TMEM232: variants seen among roughly 807,000 people sequenced by gnomAD.
The protein encoded by TMEM232 is transmembrane protein 232.
TMEM232 carries 80 observed loss-of-function variants against 78.8 expected under a neutral mutation model. That is an observed-to-expected ratio of 1.01 (90% confidence interval 0.85 to 1.22). The LOEUF is 1.22. Among genes scored for constraint, TMEM232 ranks in the 50% most tolerant of loss-of-function variants. TMEM232 has a pLI of 0.00. For synonymous variants in TMEM232, 297 were observed against 254.3 expected (o/e 1.17, Z -1.60); for missense variants, 881 against 742.2 (o/e 1.19, Z -2.17).
At chr5:110,723,561 G>A (rs1797866627) in intron 1 of TMEM232, among the ~76,000 whole-genome samples, 1 of 152,040 alleles carries the variant, frequency 6.6e-6, no homozygotes, top group Admixed American at 6.6e-5. Context: ...AATCTGTATA[G>A]ACTGTTAGCT....
At chr5:110,667,435 T>A in intron 1 of TMEM232, 71 bp from the exon 2 acceptor site, 1 of 1,248,896 alleles carries the variant, frequency 8.0e-7, no homozygotes, top group Non-Finnish European at 1.1e-6. Context: ...TTATGCAAAT[T>A]CATTATTTTT....
chr5:110,428,825 C>G (rs1418474242), intron 12 of TMEM232, among the ~76,000 whole-genome samples: 2 of 151,774 alleles, frequency 1.3e-5, no homozygotes, highest in Non-Finnish European at 2.9e-5. Flanking sequence ...AACTCACTCT[C>G]TCTCCAAAGA....
intron 12 of TMEM232, among the ~76,000 whole-genome samples, chr5:110,426,869 A>G (rs894400603): frequency 2.6e-5 from 4 of 152,050 alleles, no homozygotes; most frequent in African/African-American, 9.7e-5. Flanking sequence ...AAGATAAATA[A>G]AACAGAATCT....
intron 2 of TMEM232, among the ~76,000 whole-genome samples, chr5:110,659,043 G>C (rs1163064723): frequency 6.6e-6 from 1 of 152,088 alleles, no homozygotes; most frequent in Admixed American, 6.6e-5. Context: ...AAATGGAATA[G>C]AACCCTCAAC....
At chr5:110,676,157 A>T (rs1160510426) in intron 1 of TMEM232, among the ~76,000 whole-genome samples, 3 of 152,184 alleles carry the variant, frequency 2.0e-5, no homozygotes, top group African/African-American at 7.2e-5. Flanking sequence ...CATTTTTGTT[A>T]TGCATTCCTC....
intron 11 of TMEM232, among the ~76,000 whole-genome samples, chr5:110,550,241 T>C (rs1251461544): frequency 2.2e-4 from 33 of 152,152 alleles, no homozygotes; most frequent in Admixed American, 2.1e-3. Context: ...TTTGGTAAAA[T>C]TCTATATCAA....
intron 2 of TMEM232, among the ~76,000 whole-genome samples, chr5:110,646,609 C>T (rs1044968570): frequency 6.6e-6 from 1 of 151,676 alleles, no homozygotes; most frequent in Admixed American, 6.6e-5. Context: ...TAAAAGAATG[C>T]ATAGGGAATA....
intron 1 of TMEM232, among the ~76,000 whole-genome samples, chr5:110,679,559 A>T (rs428650): frequency 0.94 from 142,847 of 152,184 alleles, 67,577 homozygotes; most frequent in Non-Finnish European, 1. Flanking sequence ...TTTTCATAGA[A>T]CATGTATTTG....
intron 1 of TMEM232, among the ~76,000 whole-genome samples, chr5:110,679,406 C>T (rs899168742): frequency 4.0e-5 from 6 of 151,686 alleles, no homozygotes; most frequent in Admixed American, 6.6e-5. Flanking sequence ...CTAAGAGCTC[C>T]GTGTATATTC....
At chr5:110,626,711 C>A (rs1343369933) in intron 6 of TMEM232, among the ~76,000 whole-genome samples, 1 of 152,012 alleles carries the variant, frequency 6.6e-6, no homozygotes, top group African/African-American at 2.4e-5. Flanking sequence ...TACCTCCAAT[C>A]TGAATTCCGC....
intron 1 of TMEM232, among the ~76,000 whole-genome samples, chr5:110,701,090 A>G (rs763207557): frequency 8.8e-4 from 134 of 152,080 alleles, no homozygotes; most frequent in Admixed American, 4.5e-3. Context: ...TATAATGATC[A>G]TATTTTCTTC....
downstream of TMEM232, among the ~76,000 whole-genome samples, chr5:110,415,373 A>C (rs1260920233): frequency 2.0e-5 from 3 of 151,860 alleles, no homozygotes; most frequent in African/African-American, 7.3e-5. Flanking sequence ...TATTTTTAGT[A>C]GAGATGGGGT....
chr5:110,646,939 G>T (rs952603273), intron 2 of TMEM232, among the ~76,000 whole-genome samples: 19 of 150,250 alleles, frequency 1.3e-4, no homozygotes, highest in Admixed American at 6.7e-4. Flanking sequence ...AAAAGGTTTT[G>T]TTTTTTTTTC....
chr5:110,579,271 A>C (rs1233058815), intron 10 of TMEM232, among the ~76,000 whole-genome samples: 1 of 151,642 alleles, frequency 6.6e-6, no homozygotes, highest in East Asian at 1.9e-4. Context: ...AAAAAAAAAA[A>C]ACCGAAATAC....
At chr5:110,413,841 A>G (rs1756087459) in intron 2 of TMEM232, among the ~76,000 whole-genome samples, 1 of 152,250 alleles carries the variant, frequency 6.6e-6, no homozygotes, top group African/African-American at 2.4e-5. Flanking sequence ...TCTAAAGGGA[A>G]TTATTATTCT....
At chr5:110,454,505 A>T (rs972724153) in intron 12 of TMEM232, among the ~76,000 whole-genome samples, 3 of 152,172 alleles carry the variant, frequency 2.0e-5, no homozygotes, top group Non-Finnish European at 1.5e-5. Context: ...TAAGGAAAAA[A>T]AAAAGTAACA....
chr5:110,618,758 G>A (rs981298557), intron 7 of TMEM232, among the ~76,000 whole-genome samples, 196 bp from the exon 8 acceptor site: 8 of 152,126 alleles, frequency 5.3e-5, no homozygotes, highest in African/African-American at 1.9e-4. Flanking sequence ...CGAACCTAAT[G>A]TATGTATTTT....
intron 13 of TMEM232, 22 bp downstream of exon 13, chr5:110,424,801 G>C (rs1757063004): frequency 2.6e-6 from 4 of 1,516,916 alleles, no homozygotes; most frequent in Non-Finnish European, 3.6e-6. Flanking sequence ...TTTGCTGCTA[G>C]TTAAAAAAAA....
intron 12 of TMEM232, among the ~76,000 whole-genome samples, chr5:110,457,610 G>T (rs962156239): frequency 6.6e-6 from 1 of 151,996 alleles, no homozygotes; most frequent in African/African-American, 2.4e-5. Context: ...TCCTTGAATT[G>T]ATGTATGAAT....
Sources: allele counts gnomAD v4.1 joint callset (sites outside exome capture counted in the v4.1 genomes callset), GRCh38; gene constraint gnomAD v4.1.1; transcripts MANE v1.5; gene names NCBI Gene and HGNC (gene_info 2026-07-23, HGNC 2026-07-21).